Variants in NFIA observed in about 807,000 individuals in gnomAD.
NFIA encodes nuclear factor 1 A-type.
NFIA carries 8 observed loss-of-function variants against 62.8 expected under a neutral mutation model. That is an observed-to-expected ratio of 0.13 (90% CI 0.07 to 0.23). NFIA has a LOEUF of 0.23. NFIA is among the 10% of genes least tolerant of loss of function. The probability of loss-of-function intolerance (pLI) is 1.00; values close to 1 mark genes in which losing one functional copy is unlikely to be tolerated. For synonymous variants in NFIA, 235 were observed against 238.1 expected, an observed-to-expected ratio of 0.99 and a Z score of 0.12; for missense variants, 410 against 642.1, an observed-to-expected ratio of 0.64 and a Z score of 3.91.
chr1:61,226,126 A>G (rs963581503), intron 2 of NFIA, among the ~76,000 whole-genome samples: 2 of 152,226 alleles, frequency 1.3e-5, no homozygotes, highest in African/African-American at 4.8e-5. Flanking sequence ...GTATTTGTGT[A>G]ATATTTAATG....
At chr1:61,376,903 T>C (rs964513544) in intron 6 of NFIA, among the ~76,000 whole-genome samples, 1 of 152,124 alleles carries the variant, frequency 6.6e-6, no homozygotes, top group African/African-American at 2.4e-5. Context: ...TAATAATACC[T>C]ACCTATCTCA....
At chr1:61,294,400 A>G (rs1205437837) in intron 3 of NFIA, among the ~76,000 whole-genome samples, 1 of 152,206 alleles carries the variant, frequency 6.6e-6, no homozygotes, top group East Asian at 1.9e-4. Context: ...TTCCTTGTCC[A>G]GCTTTCTTTC....
At chr1:61,295,576 C>T (rs1457155460) in intron 3 of NFIA, among the ~76,000 whole-genome samples, 2 of 152,094 alleles carry the variant, frequency 1.3e-5, no homozygotes, top group Non-Finnish European at 2.9e-5. Flanking sequence ...GAAAGGGAGA[C>T]CCTACCTTGA....
At chr1:61,260,873 C>T (rs1013479982) in intron 2 of NFIA, among the ~76,000 whole-genome samples, 2 of 152,218 alleles carry the variant, frequency 1.3e-5, no homozygotes, top group African/African-American at 4.8e-5. Flanking sequence ...AGCCCCTGCG[C>T]CCGGCCAAGA....
At chr1:61,406,794 C>T in intron 9 of NFIA, 67 bp downstream of exon 9, 3 of 1,464,384 alleles carry the variant, frequency 2.0e-6, no homozygotes, top group Non-Finnish European at 2.7e-6. Flanking sequence ...CACACTTAGG[C>T]TTTGTCCCTC....
At position 61,290,677 on chromosome 1, in the gene NFIA, A is replaced by G. The variant is rs116705680; in HGVS notation, c.625+13092A>G. Among the ~76,000 whole-genome samples, 645 of 152,336 alleles carry G rather than the reference A, an allele frequency of 4.2e-3. 3 individuals carry two copies. The highest frequency in any genetic ancestry group is 0.014 in the African/African-American group (591 of 41,568). On this transcript the variant is annotated intron_variant, in intron 3 of 10. Coordinates refer to ENST00000403491, the MANE Select transcript of NFIA (RefSeq NM_001134673.4). ...GTTGTCCGAGCTTGAGCCAGTTCTA[A>G]AAGTAGCAGTGCAGAACGTCTATGT...
chr1:61,212,031 G>A (rs950531170), intron 2 of NFIA, among the ~76,000 whole-genome samples: 2 of 152,122 alleles, frequency 1.3e-5, no homozygotes, highest in Non-Finnish European at 2.9e-5. Context: ...TGAGTCTTAT[G>A]CGCTTAGGGT....
At chr1:61,333,861 A>G (rs1661438795) in intron 4 of NFIA, among the ~76,000 whole-genome samples, 1 of 152,066 alleles carries the variant, frequency 6.6e-6, no homozygotes, top group Non-Finnish European at 1.5e-5. Context: ...TTAGCTGGGC[A>G]TGGTGGTGCA....
intron 4 of NFIA, among the ~76,000 whole-genome samples, chr1:61,333,640 C>T (rs1661426779): frequency 6.6e-6 from 1 of 152,140 alleles, no homozygotes. Flanking sequence ...GCTTTTCAGA[C>T]AAGAAATTAC....
At chr1:61,398,719 A>G (rs530660920) in intron 7 of NFIA, among the ~76,000 whole-genome samples, 1 of 152,336 alleles carries the variant, frequency 6.6e-6, no homozygotes, top group African/African-American at 2.4e-5. Flanking sequence ...TTTGAAAAGC[A>G]TTGCCAATTC....
intron 2 of NFIA, among the ~76,000 whole-genome samples, chr1:61,140,751 A>G (rs1647444293): frequency 6.6e-6 from 1 of 152,018 alleles, no homozygotes; most frequent in Admixed American, 6.6e-5. Context: ...TGGGACGAAA[A>G]TCCCTATTTT....
chr1:61,161,752 C>T (rs1030199713), intron 2 of NFIA, among the ~76,000 whole-genome samples: 9 of 152,192 alleles, frequency 5.9e-5, no homozygotes, highest in African/African-American at 1.9e-4. Context: ...TATATACACA[C>T]ACACACACCC....
chr1:61,430,724 T>C lies in NFIA; in HGVS notation c.1512+4168T>C, dbSNP rs78804803. Among the ~76,000 whole-genome samples the C allele has an allele frequency of 7.2e-5, 11 of 152,364 alleles. No individual in the cohort carries two copies. In the East Asian group the frequency reaches 2.1e-3, roughly 29 times the overall value. Reference sequence around the variant, plus strand: ...CCTTCTCTTTAGCCTTGCCTTGAGCTAGTTTTCTTTCAAACTGCCTTCCAA... The same window carrying C: ...CCTTCTCTTTAGCCTTGCCTTGAGCCAGTTTTCTTTCAAACTGCCTTCCAA... On this transcript the variant is annotated intron_variant, in intron 10 of 10. Coordinates refer to ENST00000403491, the MANE Select transcript of NFIA (RefSeq NM_001134673.4).
rs368139522 is a variant in NFIA, at chr1:61,462,024, G to GTTTTTTTTTTTTTTTTTTTTTTTTTTT, written c.*6722_*6723insTTTTTTTTTTTTTTTTTTTTTTTTTTT. On this transcript the variant is annotated 3_prime_UTR_variant, in exon 11 of 11. Coordinates refer to ENST00000403491, the MANE Select transcript of NFIA (RefSeq NM_001134673.4). ...ATAGTCTGTAAGTTAGCCTTTTTGG[G>GTTTTTTTTTTTTTTTTTTTTTTTTTTT]TTTTTTTTTTTTTTTTTTGGCTTTT... 1.4e-5 allele frequency: 1 copy of GTTTTTTTTTTTTTTTTTTTTTTTTTTT among 73,206 alleles called. No homozygotes were observed. The highest frequency in any genetic ancestry group is 6.7e-5 in the African/African-American group (1 of 14,898). The allele number at this position is 73,206 out of a possible 1,614,324, so 4.5% of individuals were successfully genotyped here. A position where few individuals can be genotyped will look rare whatever the true frequency, so the allele number is the denominator to read the frequency against.
chr1:61,087,761 A>G (rs189821516), intron 1 of NFIA, among the ~76,000 whole-genome samples: 157 of 152,340 alleles, frequency 1.0e-3, no homozygotes, highest in Non-Finnish European at 1.7e-3. Flanking sequence ...TGGTGAGGTC[A>G]AGGCTGGGAC....
intron 2 of NFIA, among the ~76,000 whole-genome samples, chr1:61,164,759 C>T (rs1201578150): frequency 6.6e-6 from 1 of 152,044 alleles, no homozygotes; most frequent in Non-Finnish European, 1.5e-5. Flanking sequence ...CACGTCCAGC[C>T]AAATGTCTCA....
intron 6 of NFIA, among the ~76,000 whole-genome samples, chr1:61,369,151 C>T (rs183936890): frequency 6.6e-6 from 1 of 152,306 alleles, no homozygotes; most frequent in Non-Finnish European, 1.5e-5. Context: ...AGAGTCGAAT[C>T]TTACTCCATC....
chr1:61,224,955 C>T (rs1490524106), intron 2 of NFIA, among the ~76,000 whole-genome samples: 1 of 152,098 alleles, frequency 6.6e-6, no homozygotes, highest in Non-Finnish European at 1.5e-5. Context: ...CCTTTCACCC[C>T]ATAATTTTGA....
Position 61,226,775 on chromosome 1 carries a change from T to C in NFIA, c.560-50745T>C, listed in dbSNP as rs188702558. Among the ~76,000 whole-genome samples the C allele has an allele frequency of 1.6e-3, 241 of 152,306 alleles. 1 individual carries two copies. The highest frequency in any genetic ancestry group is 5.5e-3 in the African/African-American group (229 of 41,568). ...TGCTTGCTCAAGAGTCTAAGAAGGC[T>C]TCATGGGAAGAGCAAAGCAATCTAA... On this transcript the variant is annotated intron_variant, in intron 2 of 10. Transcript: ENST00000403491.
Sources: gnomAD v4.1 joint callset for allele counts (sites outside exome capture counted in the v4.1 genomes callset) on GRCh38, gnomAD v4.1.1 for gene constraint, MANE v1.5 for transcripts, NCBI Gene and HGNC (gene_info 2026-07-23, HGNC 2026-07-21) for gene names.